The following ITIH1 variants were observed in gnomAD, a reference collection of about 807,000 sequenced individuals.
The protein encoded by ITIH1 is inter-alpha-trypsin inhibitor heavy chain H1.
Under a neutral mutation model 104.6 loss-of-function variants are expected in ITIH1, and 94 were observed. The ratio of observed to expected loss-of-function variants is 0.90; its 90% CI spans 0.76 to 1.07. The LOEUF (loss-of-function observed/expected upper bound fraction) is 1.07, where lower values mean the gene tolerates loss of function less well. Ranked by LOEUF, ITIH1 falls within the 50% of genes least tolerant of loss-of-function variation. The probability of loss-of-function intolerance (pLI) is 0.00; values close to 1 mark genes in which losing one functional copy is unlikely to be tolerated. For synonymous variants in ITIH1, 455 were observed against 464.4 expected, an observed-to-expected ratio of 0.98 and a Z score of 0.26; for missense variants, 1,193 against 1,181.4, an observed-to-expected ratio of 1.01 and a Z score of -0.14.
At chr3:52,787,485 C>T (rs1699232266) in intron 15 of ITIH1, 107 bp from the exon 16 acceptor site, 8 of 1,386,288 alleles carry the variant, frequency 5.8e-6, no homozygotes, top group Non-Finnish European at 7.2e-6. Context: ...GCTGAGACCC[C>T]CAGAGGGACG....
At position 52,785,216 on chromosome 3, in the gene ITIH1, T is replaced by C; in HGVS notation, c.1580T>C (p.Val527Ala). 1.9e-6 allele frequency: 3 copies of C among 1,614,028 alleles called. No homozygotes were observed. The highest frequency in any genetic ancestry group is 2.5e-6 in the Non-Finnish European group (3 of 1,179,966). ...DNKQSSFKADVQAHGEGQEFS... is the reference protein window; with the variant it reads ...DNKQSSFKADAQAHGEGQEFS... ...AAACAGAGCAGCTTCAAGGCTGATG[T>C]GCAGGCCCATGGGGTAAATGGTGGG... is the stretch of plus-strand genomic sequence containing the variant. Residue 527 changes from valine (V) to alanine (A), a missense_variant, in exon 12 of 22, where the codon GTG (valine) becomes GCG (alanine). Val to Ala is a moderately conservative substitution (Grantham distance 64). Coordinates refer to ENST00000273283, the MANE Select transcript of ITIH1 (RefSeq NM_002215.4).
At position 52,783,126 on chromosome 3, in the gene ITIH1, G is replaced by A. The variant is rs143471792; in HGVS notation, c.1099+1G>A. The A allele has an allele frequency of 3.2e-4, 523 of 1,612,850 alleles. 8 individuals are homozygous for A. The South Asian group carries it at 4.7e-3, about 14-fold the overall frequency. ...GTGCGGGGCTTTTCCCTGGATGAGG[G>A]TAAGGGTGGGGGTCTCAGGCAACCT... On this transcript the variant is annotated splice_donor_variant, in intron 9 of 21. Transcript: ENST00000273283. LOFTEE classifies it high-confidence loss of function.
chr3:52,786,571 T>C, intron 13 of ITIH1, 137 bp downstream of exon 13: 1 of 898,502 alleles, frequency 1.1e-6, no homozygotes, highest in Non-Finnish European at 1.7e-6. Flanking sequence ...CTCACTGAGT[T>C]AATATCAACC....
chr3:52,782,314 C>A, intron 8 of ITIH1, 47 bp downstream of exon 8: 1 of 1,429,718 alleles, frequency 7.0e-7, no homozygotes, highest in Non-Finnish European at 9.9e-7. Flanking sequence ...CTTCCACAGC[C>A]CCATCACTCA....
Position 52,788,254 on chromosome 3 carries a change from C to G in ITIH1, c.2028C>G (p.Ile676Met). Reference protein sequence around the residue: ...VTGVDTDPHFIIHVPQKEDTL... With the variant: ...VTGVDTDPHFMIHVPQKEDTL... The stretch of plus-strand genomic sequence containing the variant: ...CAGTGGACACAGACCCTCACTTCAT[C>G]ATCCACGTGCCCCAGAAAGAGGACA... The change falls in exon 18 of 22, where the codon ATC becomes ATG. Residue 676 changes from isoleucine to methionine, a missense_variant. Transcript: ENST00000273283. 2 of 1,611,480 alleles carry G rather than the reference C, an allele frequency of 1.2e-6. No individual in the cohort carries two copies. Among genetic ancestry groups the G allele is most frequent in the Non-Finnish European group, 1.7e-6 (2 of 1,178,760 alleles).
intron 11 of ITIH1, 133 bp from the exon 12 acceptor site, chr3:52,784,911 C>A (rs1699159953): frequency 1.2e-6 from 1 of 818,298 alleles, no homozygotes; most frequent in Non-Finnish European, 1.9e-6. Context: ...TGACCTCGAG[C>A]CAGCTACTTG....
Position 52,779,878 on chromosome 3 carries a change from G to A in ITIH1, c.573+284G>A. On this transcript the variant is annotated intron_variant, in intron 5 of 21. Coordinates refer to ENST00000273283, the MANE Select transcript of ITIH1 (RefSeq NM_002215.4). This position sits in a 1 kb window ranked among gnomAD's most constrained non-coding sequence, Gnocchi z 4.4. ...ATCACGAGAAGTACTGAATGTCCAGGTAATTTTGTAAACTAGAAAGTCCCG... is the reference window on the plus strand; with the variant it reads ...ATCACGAGAAGTACTGAATGTCCAGATAATTTTGTAAACTAGAAAGTCCCG... The A allele has an allele frequency of 2.2e-6, 3 of 1,388,436 alleles. No homozygotes were observed. The highest frequency in any genetic ancestry group is 2.8e-6 in the Non-Finnish European group (3 of 1,070,376). The allele number at this position is 1,388,436 out of a possible 1,614,324, so 86.0% of individuals were successfully genotyped here. A position where few individuals can be genotyped will look rare whatever the true frequency, so the allele number is the denominator to read the frequency against.
rs1364137735 is a variant in ITIH1 at position 52,786,441 on chromosome 3, C to A, written c.1733+7C>A. ...AGGAGCTGCTGGCCAAGCGGTAGGG[C>A]ACCTGCAGCTGCCCCAGGTGGGCAC... On this transcript the variant is annotated splice_region_variant and intron_variant, in intron 13 of 21. Coordinates refer to ENST00000273283, the MANE Select transcript of ITIH1 (RefSeq NM_002215.4). 10 of 1,572,298 alleles carry A rather than the reference C, an allele frequency of 6.4e-6. No homozygotes were observed. Among genetic ancestry groups the A allele is most frequent in the Non-Finnish European group, 6.0e-6 (7 of 1,158,654 alleles).
rs758332119 is a variant in ITIH1 at position 52,788,057 on chromosome 3, G to A, written c.1996G>A (p.Val666Met). 7 of 1,603,666 alleles carry A rather than the reference G, an allele frequency of 4.4e-6. No homozygotes were observed. Among genetic ancestry groups the A allele is most frequent in the African/African-American group, 1.3e-5 (1 of 74,844 alleles). Residue 666 changes from valine to methionine, a missense_variant, in exon 17 of 22, where the codon GTG becomes ATG. Coordinates refer to ENST00000273283, the MANE Select transcript of ITIH1 (RefSeq NM_002215.4). Reference protein sequence around the residue: ...SSNTQRLPDRVTGVDTDPHFI... With the variant: ...SSNTQRLPDRMTGVDTDPHFI... ...CAATACCCAGCGGCTGCCAGACCGAGTGACCGGCGGTGAGTCCTTGGAAGG... is the reference window on the plus strand; with the variant it reads ...CAATACCCAGCGGCTGCCAGACCGAATGACCGGCGGTGAGTCCTTGGAAGG...
At chr3:52,782,579 G>GCC (rs1699092245) in intron 8 of ITIH1, among the ~76,000 whole-genome samples, 1 of 152,094 alleles carries the variant, frequency 6.6e-6, no homozygotes, top group Non-Finnish European at 1.5e-5. Flanking sequence ...CAATTACGGT[G>GCC]GTCCGTGGGG....
chr3:52,784,431 G>A lies in ITIH1; in HGVS notation c.1361G>A (p.Arg454Gln), dbSNP rs767332893. The A allele has an allele frequency of 4.1e-5, 66 of 1,614,006 alleles. 2 individuals carry two copies. In the South Asian group the frequency reaches 5.6e-4, roughly 14 times the overall value. The change falls in exon 11 of 22, where the codon CGG becomes CAG. Residue 454 changes from arginine to glutamine, a missense_variant. Physicochemically the swap from Arg to Gln is conservative, Grantham distance 43 (BLOSUM62 1). Coordinates refer to ENST00000273283, the MANE Select transcript of ITIH1 (RefSeq NM_002215.4). ...GTCATGTCCATGGAGAACAACGGAC[G>A]GGCCCAGAGAATCTACGAGGACCAT... ...LEVMSMENNG[R>Q]AQRIYEDHDA...
rs559773046 is a variant in ITIH1, at chr3:52,791,537, G to A, written c.2515G>A (p.Gly839Ser). ...GLLGQFFHPI[G>S]FEVSDIHPGS... ...TCTAGGGCAATTTTTCCACCCCATC[G>A]GTTTTGAAGTGTCTGACATCCACCC... is the stretch of plus-strand genomic sequence containing the variant. The change falls in exon 21 of 22, where the codon GGT becomes AGT. Residue 839 changes from glycine to serine, a missense_variant. Physicochemically the swap from Gly to Ser is moderately conservative, Grantham distance 56 (BLOSUM62 0). Coordinates refer to ENST00000273283, the MANE Select transcript of ITIH1 (RefSeq NM_002215.4). 3.2e-5 allele frequency: 51 copies of A among 1,614,028 alleles called. No individual in the cohort carries two copies. In the Middle Eastern group the frequency reaches 2.0e-3, roughly 63 times the overall value.
rs780670707 is a variant in ITIH1, at chr3:52,787,084, G to A, written c.1873G>A (p.Asp625Asn). The A allele has an allele frequency of 4.0e-5, 65 of 1,614,074 alleles. No individual in the cohort carries two copies. Among genetic ancestry groups the A allele is most frequent in the Non-Finnish European group, 4.9e-5 (58 of 1,180,022 alleles). Reference protein sequence around the residue: ...ADQDGLKPTIDKPSEDSPPLE... With the variant: ...ADQDGLKPTINKPSEDSPPLE... ...CCAGGACGGCCTGAAGCCCACCATC[G>A]ACAAGCCCTCAGAGGGTATAGGCTG... Residue 625 changes from aspartate to asparagine, a missense_variant, in exon 14 of 22, where the codon GAC (aspartate) becomes AAC (asparagine). Coordinates refer to ENST00000273283, the MANE Select transcript of ITIH1 (RefSeq NM_002215.4).
At position 52,779,876 on chromosome 3, in the gene ITIH1, A is replaced by C. The variant is rs1298494200; in HGVS notation, c.573+282A>C. 7.2e-7 allele frequency: 1 copy of C among 1,387,702 alleles called. No individual in the cohort carries two copies. The highest frequency in any genetic ancestry group is 1.5e-5 in the African/African-American group (1 of 68,866). The allele number at this position is 1,387,702 out of a possible 1,614,324, so 86.0% of individuals were successfully genotyped here. A position where few individuals can be genotyped will look rare whatever the true frequency, so the allele number is the denominator to read the frequency against. ...GGATCACGAGAAGTACTGAATGTCC[A>C]GGTAATTTTGTAAACTAGAAAGTCC... On this transcript the variant is annotated intron_variant, in intron 5 of 21. Coordinates refer to ENST00000273283, the MANE Select transcript of ITIH1 (RefSeq NM_002215.4). This position sits in a 1 kb window ranked among gnomAD's most constrained non-coding sequence, Gnocchi z 4.4.
chr3:52,790,739 G>A lies in ITIH1; in HGVS notation c.2322-10G>A, dbSNP rs372668550. 1 of 1,608,098 alleles carries A rather than the reference G, an allele frequency of 6.2e-7. No homozygotes were observed. Among genetic ancestry groups the A allele is most frequent in the Non-Finnish European group, 8.5e-7 (1 of 1,177,840 alleles). On this transcript the variant is annotated splice_polypyrimidine_tract_variant and intron_variant, in intron 19 of 21. Transcript: ENST00000273283. ...GCCGCACCTGCCCTCTCGGCCACCTGGCTCTGCAGGGTGGTGGTGACCATC... is the reference window on the plus strand; with the variant it reads ...GCCGCACCTGCCCTCTCGGCCACCTAGCTCTGCAGGGTGGTGGTGACCATC...
In ITIH1 at chr3:52,779,138, G is replaced by A. The variant is rs1244809922; in HGVS notation, c.410+92G>A. 8.6e-6 allele frequency: 8 copies of A among 932,888 alleles called. No homozygotes were observed. The highest frequency in any genetic ancestry group is 1.8e-5 in the Admixed American group (1 of 54,400). 57.8% of individuals were successfully genotyped at this position (932,888 alleles called of 1,614,324 possible). A position where few individuals can be genotyped will look rare whatever the true frequency, so the allele number is the denominator to read the frequency against. ...TGCAAGGTGGCTTTAGTGGAGAACAGCCCAGGATGATGGAAGGGTAAGCAA... is the reference window on the plus strand; with the variant it reads ...TGCAAGGTGGCTTTAGTGGAGAACAACCCAGGATGATGGAAGGGTAAGCAA... On this transcript the variant is annotated intron_variant, in intron 4 of 21. Transcript: ENST00000273283. This position sits in a 1 kb window ranked among gnomAD's most constrained non-coding sequence, Gnocchi z 4.4.
chr3:52,791,536 C>T lies in ITIH1; in HGVS notation c.2514C>T (p.Ile838=), dbSNP rs143276781. The part of the protein sequence containing the change: ...HGLLGQFFHP[I]GFEVSDIHPG... ...TTCTAGGGCAATTTTTCCACCCCAT[C>T]GGTTTTGAAGTGTCTGACATCCACC... The change falls in exon 21 of 22, where the codon ATC becomes ATT. Residue 838 remains isoleucine (I), a synonymous_variant. Transcript: ENST00000273283. The T allele has an allele frequency of 1.2e-4, 194 of 1,614,036 alleles. 1 individual carries two copies. Among genetic ancestry groups the T allele is most frequent in the Admixed American group, 5.2e-4 (31 of 60,028 alleles).
Position 52,791,795 on chromosome 3 carries a change from G to A in ITIH1, c.2620G>A (p.Asp874Asn), listed in dbSNP as rs1302115700. The A allele has an allele frequency of 1.2e-6, 2 of 1,613,502 alleles. No homozygotes were observed. Among genetic ancestry groups the A allele is most frequent in the Non-Finnish European group, 1.7e-6 (2 of 1,179,684 alleles). Residue 874 changes from aspartate (D) to asparagine (N), a missense_variant, in exon 22 of 22, where the codon GAC (aspartate) becomes AAC (asparagine). Physicochemically the swap from Asp to Asn is conservative, Grantham distance 23 (BLOSUM62 1). Coordinates refer to ENST00000273283, the MANE Select transcript of ITIH1 (RefSeq NM_002215.4). The part of the protein sequence containing the change: ...RLTVTRGLQK[D>N]YSKDPWHGAE... Reference sequence around the variant, plus strand: ...GTCTCTGCACAGGGGTTTGCAAAAAGACTACAGCAAGGACCCGTGGCATGG... The same window carrying A: ...GTCTCTGCACAGGGGTTTGCAAAAAAACTACAGCAAGGACCCGTGGCATGG...
chr3:52,789,970 C>A, intron 19 of ITIH1, 116 bp downstream of exon 19: 2 of 1,043,246 alleles, frequency 1.9e-6, no homozygotes, highest in Non-Finnish European at 2.9e-6. Context: ...ACCCATGTGG[C>A]CTGTGCAGAC....
Sources: gnomAD v4.1 joint callset for allele counts (sites outside exome capture counted in the v4.1 genomes callset) on GRCh38, gnomAD v4.1.1 for gene constraint, Gnocchi (gnomAD v3.1) non-coding constraint, MANE v1.5 for transcripts, NCBI Gene and HGNC (gene_info 2026-07-23, HGNC 2026-07-21) for gene names.